Variants in CBFA2T2 observed in about 807,000 individuals in gnomAD.
CBFA2T2 encodes CBFA2/RUNX1 partner transcriptional co-repressor 2.
CBFA2T2 carries 11 observed loss-of-function variants against 62.2 expected under a neutral mutation model. The observed-to-expected ratio is 0.18, with a 90% CI of 0.11 to 0.29. The LOEUF (loss-of-function observed/expected upper bound fraction) is 0.29, where lower values mean the gene tolerates loss of function less well. Among genes scored for constraint, CBFA2T2 ranks in the 10% least tolerant of loss-of-function variants. The probability of loss-of-function intolerance (pLI) is 1.00; values close to 1 mark genes in which losing one functional copy is unlikely to be tolerated. For synonymous variants in CBFA2T2, 295 were observed against 287.5 expected (o/e 1.03, Z -0.27); for missense variants, 592 against 774.1 (o/e 0.76, Z 2.79).
intron 1 of CBFA2T2, among the ~76,000 whole-genome samples, chr20:33,539,955 G>A (rs1162276013): frequency 6.6e-6 from 1 of 152,076 alleles, no homozygotes; most frequent in Non-Finnish European, 1.5e-5. Context: ...ATTGGTGTGA[G>A]CCACCATGTC....
At chr20:33,553,289 C>G (rs1355833053) in intron 1 of CBFA2T2, among the ~76,000 whole-genome samples, 1 of 152,178 alleles carries the variant, frequency 6.6e-6, no homozygotes, top group African/African-American at 2.4e-5. Context: ...CAATGGTGCA[C>G]AGTCTTGGCT....
chr20:33,490,338 G>A, intron 1 of CBFA2T2, 37 bp downstream of exon 1: 2 of 1,271,926 alleles, frequency 1.6e-6, no homozygotes, highest in East Asian at 3.0e-5. Context: ...CGAGGGGGGC[G>A]TGTGAGGGCC....
chr20:33,579,065 A>G (rs1018364661), intron 1 of CBFA2T2, among the ~76,000 whole-genome samples: 26 of 150,716 alleles, frequency 1.7e-4, no homozygotes, highest in African/African-American at 6.3e-4. Context: ...ACAGATACTA[A>G]GTGTTCAACC....
At chr20:33,632,028 C>T (rs1378464026) in intron 8 of CBFA2T2, among the ~76,000 whole-genome samples, 1 of 151,990 alleles carries the variant, frequency 6.6e-6, no homozygotes, top group Non-Finnish European at 1.5e-5. Flanking sequence ...GAAATTAGTT[C>T]TTTTTGTTTG....
At position 33,583,950 on chromosome 20, in the gene CBFA2T2, G is replaced by A. The variant is rs148746206; in HGVS notation, c.35-23006G>A. ...TATTTATTTGTTTGTTTGTTTGTTT[G>A]TTTATTTATTTATTTGAGACAGAAT... On this transcript the variant is annotated intron_variant, in intron 1 of 10. Coordinates refer to ENST00000342704, the MANE Select transcript of CBFA2T2 (RefSeq NM_001032999.3). Among the ~76,000 whole-genome samples, 1,122 of 151,654 alleles carry A rather than the reference G, an allele frequency of 7.4e-3. 10 individuals are homozygous for A. Among genetic ancestry groups the A allele is most frequent in the African/African-American group, 0.018 (751 of 41,448 alleles).
intron 5 of CBFA2T2, chr20:33,623,954 G>GAAA (rs761906454): frequency 3.1e-5 from 10 of 320,098 alleles, no homozygotes; most frequent in South Asian, 1.9e-4. Context: ...GAAAGAATTG[G>GAAA]AAAAAAAAAA....
At chr20:33,639,070 GCCTAGCTTTAGCATTCTTCTCTTTCA>G (rs2016728494) in intron 9 of CBFA2T2, 1 of 152,186 alleles carries the variant, frequency 6.6e-6, no homozygotes, top group Admixed American at 6.5e-5. Flanking sequence ...CCATTTCATT[GCCTAGCTTTAGCATTCTTCTCTTTCA>G]CCTCCACTTC....
intron 1 of CBFA2T2, among the ~76,000 whole-genome samples, chr20:33,601,126 G>A (rs2015115746): frequency 6.6e-6 from 1 of 151,894 alleles, no homozygotes; most frequent in Non-Finnish European, 1.5e-5. Context: ...AAAATGATAA[G>A]CCTCCCCGCT....
intron 1 of CBFA2T2, among the ~76,000 whole-genome samples, chr20:33,510,463 G>A (rs1000496827): frequency 3.3e-5 from 5 of 151,394 alleles, no homozygotes; most frequent in Non-Finnish European, 4.4e-5. Context: ...CGCCCGCCTC[G>A]GCCTCTGGAA....
At chr20:33,591,223 C>T (rs1235735282) in intron 1 of CBFA2T2, among the ~76,000 whole-genome samples, 1 of 145,242 alleles carries the variant, frequency 6.9e-6, no homozygotes, top group Non-Finnish European at 1.5e-5. Flanking sequence ...GTGGCTCACA[C>T]CTATAATTCC....
chr20:33,553,512 G>A (rs1315785248), intron 1 of CBFA2T2, among the ~76,000 whole-genome samples: 2 of 152,196 alleles, frequency 1.3e-5, no homozygotes, highest in Non-Finnish European at 2.9e-5. Flanking sequence ...GATTACAGGC[G>A]TGAGCCACCA....
In CBFA2T2 at chr20:33,574,084, AGTTCCTG is replaced by A. The variant is rs577330804; in HGVS notation, c.35-32871_35-32865del. On this transcript the variant is annotated intron_variant, in intron 1 of 10. Coordinates refer to ENST00000342704, the MANE Select transcript of CBFA2T2 (RefSeq NM_001032999.3). ...GATTACAGGCAAGAGCCACCATACC[AGTTCCTG>A]TCTAGATATTATGATGAAGATTGAG... is the stretch of plus-strand genomic sequence containing the variant. The A allele has an allele frequency of 1.2e-4, 185 of 1,513,096 alleles. No individual in the cohort carries two copies. In the African/African-American group the frequency reaches 1.7e-3, roughly 14 times the overall value. 93.7% of individuals were successfully genotyped at this position (1,513,096 alleles called of 1,614,324 possible). A position where few individuals can be genotyped will look rare whatever the true frequency, so the allele number is the denominator to read the frequency against.
chr20:33,573,991 G>A, intron 1 of CBFA2T2: 1 of 585,302 alleles, frequency 1.7e-6, no homozygotes, highest in Non-Finnish European at 2.6e-6. Flanking sequence ...GTTTTGCCAT[G>A]TTGCCCAGGT....
chr20:33,585,964 A>G (rs1433234788), intron 1 of CBFA2T2, among the ~76,000 whole-genome samples: 1 of 152,226 alleles, frequency 6.6e-6, no homozygotes, highest in African/African-American at 2.4e-5. Context: ...AGCAAAGCTT[A>G]ACTGTAGAAG....
At chr20:33,490,345 G>A in intron 1 of CBFA2T2, 44 bp downstream of exon 1, 2 of 1,266,156 alleles carry the variant, frequency 1.6e-6, no homozygotes, top group Non-Finnish European at 9.9e-7. Context: ...GGCGTGTGAG[G>A]GCCTGCGGCT....
At chr20:33,560,445 A>G (rs1420729595) in intron 1 of CBFA2T2, among the ~76,000 whole-genome samples, 1 of 152,186 alleles carries the variant, frequency 6.6e-6, no homozygotes, top group Non-Finnish European at 1.5e-5. Flanking sequence ...AATAATACCT[A>G]CCTTATAGGC....
At chr20:33,501,932 G>A (rs866831437) in intron 1 of CBFA2T2, among the ~76,000 whole-genome samples, 12 of 129,036 alleles carry the variant, frequency 9.3e-5, no homozygotes, top group South Asian at 5.5e-4. Context: ...GAGCCACTGC[G>A]CCTGGCCTAA....
chr20:33,494,366 C>T (rs1412336481), intron 1 of CBFA2T2, among the ~76,000 whole-genome samples: 1 of 133,922 alleles, frequency 7.5e-6, no homozygotes, highest in Non-Finnish European at 1.5e-5. Flanking sequence ...ACTGCAAGCT[C>T]CACCTCCTGG....
At chr20:33,623,969 G>C (rs1336506099) in intron 5 of CBFA2T2, 2 of 521,808 alleles carry the variant, frequency 3.8e-6, no homozygotes, top group Non-Finnish European at 6.9e-6. Context: ...AAAAAAAAAA[G>C]AAAAGAAAAG....
Sources: allele counts gnomAD v4.1 joint callset (sites outside exome capture counted in the v4.1 genomes callset), GRCh38; gene constraint gnomAD v4.1.1; transcripts MANE v1.5; gene names NCBI Gene and HGNC (gene_info 2026-07-23, HGNC 2026-07-21).